Variants in DPYD observed in about 807,000 individuals in gnomAD.
DPYD encodes dihydropyrimidine dehydrogenase [NADP(+)].
In DPYD, 109 loss-of-function variants were observed where a neutral mutation model predicts 116.2. The ratio of observed to expected loss-of-function variants is 0.94; its 90% CI spans 0.80 to 1.10. The LOEUF (loss-of-function observed/expected upper bound fraction) is 1.10. Ranked by LOEUF, DPYD falls within the 50% of genes least tolerant of loss-of-function variation. The pLI, the probability that DPYD is intolerant of heterozygous loss-of-function variation, is 0.00. For missense variants in DPYD, 1,302 were observed against 1,254.5 expected, an observed-to-expected ratio of 1.04 and a Z score of -0.57; for synonymous variants, 440 against 432.0, an observed-to-expected ratio of 1.02 and a Z score of -0.23.
Position 97,098,536 on chromosome 1 carries a change from G to C in DPYD, c.2719C>G (p.Leu907Val). The change falls in exon 21 of 23, where the codon CTT (leucine) becomes GTT (valine). Residue 907 changes from leucine to valine, a missense_variant. Leu to Val is a conservative substitution (Grantham distance 32). Coordinates refer to ENST00000370192, the MANE Select transcript of DPYD (RefSeq NM_000110.4). ...TTGGGGATAAAACAGTTTCTCTTAA[G>C]TGGTGAAAAAGCTACATTTTGTTCT... ...LKEQNVAFSP[L>V]KRNCFIPKRP... is the part of the protein sequence containing the mutation. 1 of 1,613,142 alleles carries C rather than the reference G, an allele frequency of 6.2e-7. No individual in the cohort carries two copies. The highest frequency in any genetic ancestry group is 8.5e-7 in the Non-Finnish European group (1 of 1,179,452).
At chr1:97,175,709 C>T (rs1657201869) in intron 20 of DPYD, among the ~76,000 whole-genome samples, 1 of 152,162 alleles carries the variant, frequency 6.6e-6, no homozygotes, top group African/African-American at 2.4e-5. Flanking sequence ...AGCCTTAGCT[C>T]CTACCTAAAC....
intron 18 of DPYD, among the ~76,000 whole-genome samples, chr1:97,244,804 G>A (rs1325923309): frequency 2.0e-5 from 3 of 151,976 alleles, no homozygotes; most frequent in African/African-American, 7.2e-5. Flanking sequence ...TTTCAAAGTA[G>A]AGTTATTGAG....
chr1:97,653,617 T>C (rs181510229), intron 8 of DPYD, among the ~76,000 whole-genome samples: 4 of 152,236 alleles, frequency 2.6e-5, no homozygotes, highest in Admixed American at 6.5e-5. Context: ...TGTCAATTTC[T>C]TAGTTGTCTT....
chr1:97,732,753 T>C (rs1451487851), intron 4 of DPYD, among the ~76,000 whole-genome samples: 1 of 152,092 alleles, frequency 6.6e-6, no homozygotes, highest in Non-Finnish European at 1.5e-5. Context: ...AAAATTTAGT[T>C]AATAGTTACA....
At chr1:97,514,464 T>C (rs928952643) in intron 13 of DPYD, among the ~76,000 whole-genome samples, 4 of 151,886 alleles carry the variant, frequency 2.6e-5, no homozygotes, top group Non-Finnish European at 5.9e-5. Flanking sequence ...AGACTCAGTT[T>C]TCTCCAATAG....
intron 8 of DPYD, among the ~76,000 whole-genome samples, chr1:97,668,035 G>A (rs1055119737): frequency 1.3e-4 from 20 of 152,060 alleles, no homozygotes; most frequent in African/African-American, 4.8e-4. Flanking sequence ...TGCTTAATAG[G>A]TATAGTTTCA....
chr1:97,499,886 A>G (rs537244300), intron 13 of DPYD, among the ~76,000 whole-genome samples: 60 of 152,086 alleles, frequency 3.9e-4, no homozygotes, highest in African/African-American at 1.4e-3. Context: ...CTAATGTTCT[A>G]TTCAAAGTCT....
chr1:97,115,196 T>C (rs1460239916), intron 20 of DPYD, among the ~76,000 whole-genome samples: 1 of 152,202 alleles, frequency 6.6e-6, no homozygotes, highest in African/African-American at 2.4e-5. Flanking sequence ...TTCATCAATG[T>C]TTTGTGTCAA....
chr1:97,874,457 C>A (rs1671806978), intron 2 of DPYD, among the ~76,000 whole-genome samples: 1 of 151,778 alleles, frequency 6.6e-6, no homozygotes, highest in African/African-American at 2.4e-5. Context: ...CAGGGTTTTT[C>A]TCAAATCAAG....
intron 8 of DPYD, among the ~76,000 whole-genome samples, chr1:97,619,358 G>A (rs189885468): frequency 3.1e-4 from 47 of 152,236 alleles, no homozygotes; most frequent in African/African-American, 1.1e-3. Flanking sequence ...AATGCTGGTT[G>A]ACAGGACAAA....
rs1669227516 is a variant in DPYD at position 97,826,048 on chromosome 1, G to A, written c.233+2066C>T. Among the ~76,000 whole-genome samples the A allele has an allele frequency of 2.6e-5, 4 of 152,164 alleles. No homozygotes were observed. In the South Asian group the frequency reaches 8.3e-4, roughly 32 times the overall value. On this transcript the variant is annotated intron_variant, in intron 3 of 22. Coordinates refer to ENST00000370192, the MANE Select transcript of DPYD (RefSeq NM_000110.4). ...AATGTGTGTCTGTGTGTGTGTGTAAGTAAAATGTATAACTTAAGCAAACAA... is the reference window on the plus strand; with the variant it reads ...AATGTGTGTCTGTGTGTGTGTGTAAATAAAATGTATAACTTAAGCAAACAA...
rs568800101 is a variant in DPYD, at chr1:97,419,460, C to T, written c.1905+30599G>A. Among the ~76,000 whole-genome samples the T allele has an allele frequency of 3.9e-5, 6 of 152,210 alleles. No individual in the cohort carries two copies. In the South Asian group the frequency reaches 1.2e-3, roughly 32 times the overall value. Reference sequence around the variant, plus strand: ...ATAATACATTATGATTTTTGTTATTCACAACAACGCTGTAAAATAGGCACC... The same window carrying T: ...ATAATACATTATGATTTTTGTTATTTACAACAACGCTGTAAAATAGGCACC... On this transcript the variant is annotated intron_variant, in intron 14 of 22. Transcript: ENST00000370192.
At chr1:97,821,944 T>A (rs981941374) in intron 3 of DPYD, among the ~76,000 whole-genome samples, 2 of 151,980 alleles carry the variant, frequency 1.3e-5, no homozygotes, top group Admixed American at 1.3e-4. Context: ...AAGAGTAAAA[T>A]AATTAATTTA....
intron 19 of DPYD, among the ~76,000 whole-genome samples, chr1:97,229,101 G>A (rs965259039): frequency 4.0e-5 from 6 of 151,482 alleles, no homozygotes; most frequent in African/African-American, 1.5e-4. Context: ...CTACTTGGGA[G>A]GCTGAGGCAG....
intron 4 of DPYD, among the ~76,000 whole-genome samples, chr1:97,739,139 TC>T (rs1202682539): frequency 6.6e-6 from 1 of 152,128 alleles, no homozygotes; most frequent in Admixed American, 6.6e-5. Context: ...TCTGATGAGA[TC>T]TTTATTAAAA....
intron 12 of DPYD, among the ~76,000 whole-genome samples, chr1:97,520,200 C>T (rs1648544677): frequency 6.6e-6 from 1 of 152,064 alleles, no homozygotes; most frequent in Admixed American, 6.6e-5. Flanking sequence ...ATGAACAAAA[C>T]AGACAAGGTC....
chr1:97,693,308 AAAAAAAAAACC>A (rs1557887333), intron 6 of DPYD, among the ~76,000 whole-genome samples: 4 of 126,710 alleles, frequency 3.2e-5, no homozygotes, highest in African/African-American at 2.8e-5. Flanking sequence ...AAAAAAAAAA[AAAAAAAAAACC>A]AAAAAAGAAA....
chr1:97,291,627 A>C (rs1666180545), intron 18 of DPYD, among the ~76,000 whole-genome samples: 1 of 152,156 alleles, frequency 6.6e-6, no homozygotes, highest in South Asian at 2.1e-4. Context: ...CATAGGTGGG[A>C]ATTGAACAAT....
intron 19 of DPYD, among the ~76,000 whole-genome samples, chr1:97,206,687 T>TATAAAA (rs539927395): frequency 1.7e-4 from 12 of 71,582 alleles, no homozygotes; most frequent in Admixed American, 3.6e-4. Flanking sequence ...TATATATATA[T>TATAAAA]AATCTATATG....
Sources: gnomAD v4.1 joint callset for allele counts (sites outside exome capture counted in the v4.1 genomes callset) on GRCh38, gnomAD v4.1.1 for gene constraint, MANE v1.5 for transcripts, NCBI Gene and HGNC (gene_info 2026-07-23, HGNC 2026-07-21) for gene names.